The following CSMD1 variants were observed in gnomAD, a reference collection of about 807,000 sequenced individuals.
CSMD1 encodes the protein CUB and Sushi multiple domains 1.
Under a neutral mutation model 417.5 loss-of-function variants are expected in CSMD1, and 213 were observed. The ratio of observed to expected loss-of-function variants is 0.51; its 90% CI spans 0.46 to 0.57. The LOEUF (loss-of-function observed/expected upper bound fraction) is 0.57, where lower values mean the gene tolerates loss of function less well. CSMD1 is among the 20% of genes least tolerant of loss of function. CSMD1 has a pLI of 0.00. For synonymous variants in CSMD1, 2,862 were observed against 1,736.8 expected, an observed-to-expected ratio of 1.65 and a Z score of -16.11; for missense variants, 6,923 against 4,529.7, an observed-to-expected ratio of 1.53 and a Z score of -15.17.
At chr8:3,917,557 A>C (rs1808914365) in intron 5 of CSMD1, among the ~76,000 whole-genome samples, 1 of 152,126 alleles carries the variant, frequency 6.6e-6, no homozygotes, top group Admixed American at 6.5e-5. Context: ...GCCTTTTTTG[A>C]AACTGCAAAA....
chr8:3,800,345 A>G (rs1055684685), intron 5 of CSMD1, among the ~76,000 whole-genome samples: 2 of 152,098 alleles, frequency 1.3e-5, no homozygotes, highest in Admixed American at 6.6e-5. Context: ...TCAAAATATT[A>G]TTGTTCCGGA....
At position 4,033,727 on chromosome 8, in the gene CSMD1, A is replaced by G. The variant is rs1245532397; in HGVS notation, c.416-1628T>C. ...TTACACAGTTTGACTCTTTTCATTG[A>G]CAATTTCAATAATGGGGTATTGATT... On this transcript the variant is annotated intron_variant, in intron 3 of 69. Transcript: ENST00000635120. 2.6e-5 allele frequency among the ~76,000 whole-genome samples: 4 copies of G among 152,176 alleles called. No homozygotes were observed. In the South Asian group the frequency reaches 8.3e-4, roughly 31 times the overall value.
rs146955261 is a variant in CSMD1 at position 4,596,021 on chromosome 8, A to G, written c.302+41321T>C. ...CCATAACCAGATCCACCACTTGAAC[A>G]CTCCCTGTTTGCCACACTGCCCACA... On this transcript the variant is annotated intron_variant, in intron 2 of 69. Coordinates refer to ENST00000635120, the MANE Select transcript of CSMD1 (RefSeq NM_033225.6). 1.3e-5 allele frequency among the ~76,000 whole-genome samples: 2 copies of G among 151,496 alleles called. 1 individual carries two copies. The highest frequency in any genetic ancestry group is 2.9e-5 in the Non-Finnish European group (2 of 67,910).
At chr8:4,041,280 G>C (rs1585189360) in intron 3 of CSMD1, among the ~76,000 whole-genome samples, 2 of 139,772 alleles carry the variant, frequency 1.4e-5, no homozygotes, top group African/African-American at 2.7e-5. Context: ...GCCTCCCAAA[G>C]TACGGGGATT....
At chr8:3,917,871 T>C (rs1445905568) in intron 5 of CSMD1, among the ~76,000 whole-genome samples, 2 of 152,122 alleles carry the variant, frequency 1.3e-5, no homozygotes, top group Non-Finnish European at 2.9e-5. Flanking sequence ...TTTTAGGCCT[T>C]TAAAATTTTA....
At chr8:3,890,073 G>C (rs140523392) in intron 5 of CSMD1, among the ~76,000 whole-genome samples, 6 of 152,132 alleles carry the variant, frequency 3.9e-5, no homozygotes, top group Middle Eastern at 3.4e-3. Context: ...CATTGCATTT[G>C]TGTGTTTTTA....
chr8:3,154,634 G>C (rs926913316), intron 39 of CSMD1, among the ~76,000 whole-genome samples: 4 of 152,074 alleles, frequency 2.6e-5, no homozygotes, highest in African/African-American at 4.8e-5. Context: ...GGGAGGTCCT[G>C]GGCCACCTGC....
At chr8:4,575,985 T>A (rs1199563365) in intron 2 of CSMD1, among the ~76,000 whole-genome samples, 1 of 152,298 alleles carries the variant, frequency 6.6e-6, no homozygotes, top group Non-Finnish European at 1.5e-5. Flanking sequence ...CACCACAGCC[T>A]CAGTCCAAGC....
chr8:3,407,106 G>C (rs916972202), intron 14 of CSMD1, among the ~76,000 whole-genome samples: 1 of 152,072 alleles, frequency 6.6e-6, no homozygotes, highest in Admixed American at 6.6e-5. Context: ...GGGATGGATG[G>C]AAAGATGAAT....
chr8:3,118,797 G>C (rs1817018064), intron 41 of CSMD1, among the ~76,000 whole-genome samples: 1 of 152,138 alleles, frequency 6.6e-6, no homozygotes, highest in African/African-American at 2.4e-5. Flanking sequence ...TTAATAAATA[G>C]TGTGTACTTT....
chr8:3,095,542 TC>T (rs774168417), intron 47 of CSMD1, among the ~76,000 whole-genome samples: 16 of 152,198 alleles, frequency 1.1e-4, no homozygotes, highest in Non-Finnish European at 1.5e-4. Flanking sequence ...ATTTATTAAT[TC>T]ATTTTTGAAA....
chr8:4,471,452 C>G (rs547646765), intron 2 of CSMD1, among the ~76,000 whole-genome samples: 2 of 152,098 alleles, frequency 1.3e-5, no homozygotes, highest in East Asian at 1.9e-4. Flanking sequence ...GCAAGCCTCT[C>G]GACAAAATCA....
intron 3 of CSMD1, among the ~76,000 whole-genome samples, chr8:4,340,351 G>A (rs1800404818): frequency 6.6e-6 from 1 of 152,006 alleles, no homozygotes. Context: ...TTGAGGGGCT[G>A]CTACACCCTA....
chr8:4,343,109 TTTATAACTCTCCAAAACATAAA>T (rs1800574046), intron 3 of CSMD1, among the ~76,000 whole-genome samples: 1 of 152,094 alleles, frequency 6.6e-6, no homozygotes, highest in Non-Finnish European at 1.5e-5. Flanking sequence ...TATGGGGTAT[TTTATAACTCTCCAAAACATAAA>T]AACAGATGCC....
At chr8:4,748,821 C>T (rs1811121283) in intron 1 of CSMD1, among the ~76,000 whole-genome samples, 1 of 152,098 alleles carries the variant, frequency 6.6e-6, no homozygotes, top group South Asian at 2.1e-4. Context: ...GAACATATGC[C>T]CCTTCGGGAG....
intron 1 of CSMD1, among the ~76,000 whole-genome samples, chr8:4,733,137 C>G (rs1433001825): frequency 6.6e-6 from 1 of 152,170 alleles, no homozygotes; most frequent in Non-Finnish European, 1.5e-5. Context: ...TCCTTCATTT[C>G]CTTCATTCAT....
At chr8:3,752,691 A>C (rs1049172991) in intron 6 of CSMD1, among the ~76,000 whole-genome samples, 5 of 66,556 alleles carry the variant, frequency 7.5e-5, no homozygotes, top group African/African-American at 1.8e-4. Flanking sequence ...AAAAAAAAAA[A>C]AAAAAAAAAA....
At chr8:4,960,131 A>G (rs181624138) in intron 1 of CSMD1, among the ~76,000 whole-genome samples, 1 of 152,192 alleles carries the variant, frequency 6.6e-6, no homozygotes, top group Non-Finnish European at 1.5e-5. Context: ...TAATGTGCTC[A>G]TTACTTCTGA....
intron 7 of CSMD1, among the ~76,000 whole-genome samples, chr8:3,636,973 T>C (rs1337323322): frequency 6.6e-6 from 1 of 152,174 alleles, no homozygotes; most frequent in African/African-American, 2.4e-5. Flanking sequence ...AATGCGAATT[T>C]GTCTCTCTCT....
Sources: gnomAD v4.1 joint callset for allele counts (sites outside exome capture counted in the v4.1 genomes callset) on GRCh38, gnomAD v4.1.1 for gene constraint, MANE v1.5 for transcripts, NCBI Gene and HGNC (gene_info 2026-07-23, HGNC 2026-07-21) for gene names.